The following TBC1D9 variants were observed in gnomAD, a reference collection of about 807,000 sequenced individuals.
TBC1D9 encodes the protein TBC1 domain family member 9A.
A neutral mutation model predicts 132.0 loss-of-function variants in TBC1D9; 63 were observed. The observed-to-expected ratio is 0.48, with a 90% CI of 0.39 to 0.59. The LOEUF is 0.59. Ranked by LOEUF, TBC1D9 falls within the 20% of genes least tolerant of loss-of-function variation. The pLI, the probability that TBC1D9 is intolerant of heterozygous loss-of-function variation, is 0.00. For synonymous variants in TBC1D9, 610 were observed against 609.9 expected (o/e 1.00, Z 0.00); for missense variants, 1,261 against 1,592.7 (o/e 0.79, Z 3.54).
intron 1 of TBC1D9, among the ~76,000 whole-genome samples, chr4:140,745,028 A>G (rs1361379156): frequency 6.6e-6 from 1 of 151,988 alleles, no homozygotes; most frequent in Non-Finnish European, 1.5e-5. Context: ...CTTTAAACCA[A>G]TTGCCCATCA....
At chr4:140,635,269 G>A (rs568025005) in intron 15 of TBC1D9, among the ~76,000 whole-genome samples, 13 of 152,148 alleles carry the variant, frequency 8.5e-5, no homozygotes, top group African/African-American at 3.1e-4. Flanking sequence ...CCTGAGCCCA[G>A]GAATTAGAGA....
At position 140,642,527 on chromosome 4, in the gene TBC1D9, T is replaced by G. The variant is rs74864793; in HGVS notation, c.2338-3099A>C. The G allele has an allele frequency of 5.1e-4, 590 of 1,163,662 alleles. 3 individuals are homozygous for G. In the African/African-American group the frequency reaches 8.3e-3, roughly 16 times the overall value. The allele number at this position is 1,163,662 out of a possible 1,614,324, so 72.1% of individuals were successfully genotyped here. A position where few individuals can be genotyped will look rare whatever the true frequency, so the allele number is the denominator to read the frequency against. ...GAAAACTTGAAGGGTGACTTCAACT[T>G]GTCCTGCTTGGTGAGGGAGAGGGCC... On this transcript the variant is annotated intron_variant, in intron 13 of 20. Transcript: ENST00000442267.
In TBC1D9 at chr4:140,756,288, C is replaced by G. The variant is rs550067614; in HGVS notation, c.-243G>C. On this transcript the variant is annotated 5_prime_UTR_variant, in exon 1 of 21. Transcript: ENST00000442267. The surrounding 1 kb of genome is among the most constrained non-coding windows in gnomAD (Gnocchi z 5.6). ...GCGGCAAGCAGCATCCTCCCCGCGG[C>G]GTCGCCGCCCCGCGAGAGCCCGCGG... Among the ~76,000 whole-genome samples, 11 of 151,946 alleles carry G rather than the reference C, an allele frequency of 7.2e-5. No individual in the cohort carries two copies. In the East Asian group the frequency reaches 1.8e-3, roughly 24 times the overall value.
At chr4:140,746,975 T>A (rs1265527075) in intron 1 of TBC1D9, among the ~76,000 whole-genome samples, 1 of 151,768 alleles carries the variant, frequency 6.6e-6, no homozygotes, top group Non-Finnish European at 1.5e-5. Context: ...GAGACCAGCC[T>A]GGGCAATATA....
Position 140,706,993 on chromosome 4 carries a change from G to T in TBC1D9, c.131-5379C>A, listed in dbSNP as rs936602515. Among the ~76,000 whole-genome samples the T allele has an allele frequency of 6.6e-6, 1 of 152,084 alleles. No individual in the cohort carries two copies. The highest frequency in any genetic ancestry group is 6.5e-5 in the Admixed American group (1 of 15,276). ...TTAAGCACCTAAGCACATTTCTTTA[G>T]AATGGAATTGTCAGGTCCTAGGGTA... is the stretch of plus-strand genomic sequence containing the variant. On this transcript the variant is annotated intron_variant, in intron 1 of 20. Coordinates refer to ENST00000442267, the MANE Select transcript of TBC1D9 (RefSeq NM_015130.3). The surrounding 1 kb of genome is among the most constrained non-coding windows in gnomAD (Gnocchi z 4.0).
Position 140,634,065 on chromosome 4 carries a change from G to A in TBC1D9, c.2629C>T (p.Leu877Phe). The A allele has an allele frequency of 1.2e-6, 2 of 1,614,058 alleles. No homozygotes were observed. The highest frequency in any genetic ancestry group is 1.7e-6 in the Non-Finnish European group (2 of 1,179,906). ...DFEQFKGMFA[L>F]LFPWACGTHS... ...GTTCCACATGCCCAAGGAAAGAGAA[G>A]AGCAAACATTCCCTTGAACTGCTCG... is the stretch of plus-strand genomic sequence containing the variant. Residue 877 changes from leucine (L) to phenylalanine (F), a missense_variant, in exon 16 of 21, where the codon CTT becomes TTT. Transcript: ENST00000442267.
chr4:140,726,718 A>T (rs979336999), intron 1 of TBC1D9, among the ~76,000 whole-genome samples: 1 of 152,374 alleles, frequency 6.6e-6, no homozygotes, highest in East Asian at 1.9e-4. Flanking sequence ...TGTTAAAACT[A>T]AATCACGACT....
intron 1 of TBC1D9, among the ~76,000 whole-genome samples, chr4:140,746,075 G>T (rs942595174): frequency 2.0e-5 from 3 of 152,186 alleles, no homozygotes; most frequent in Non-Finnish European, 4.4e-5. Flanking sequence ...GACTTAATTA[G>T]TCTGCACTCT....
At chr4:140,712,686 G>A (rs1236182669) in intron 1 of TBC1D9, among the ~76,000 whole-genome samples, 3 of 151,404 alleles carry the variant, frequency 2.0e-5, no homozygotes, top group African/African-American at 7.3e-5. Flanking sequence ...AGGTTGCAGT[G>A]AAGCCGAGAT....
At chr4:140,632,883 CTGT>C (rs1736820197) in intron 16 of TBC1D9, among the ~76,000 whole-genome samples, 3 of 152,174 alleles carry the variant, frequency 2.0e-5, no homozygotes, top group Admixed American at 6.5e-5. Flanking sequence ...CACCTAAGAG[CTGT>C]TGTTTAGATT....
chr4:140,707,611 G>A (rs1738168491), intron 1 of TBC1D9, among the ~76,000 whole-genome samples: 1 of 152,138 alleles, frequency 6.6e-6, no homozygotes, highest in African/African-American at 2.4e-5. Flanking sequence ...ACACTTACAT[G>A]ATACTGGTCA....
At position 140,756,075 on chromosome 4, in the gene TBC1D9, T is replaced by C. The variant is rs1381954768; in HGVS notation, c.-30A>G. ...CTGGCTGCCGCGGGCGGGCGCACAATGGGCCCGTGGGTCCAGTCCTGCACC... is the reference window on the plus strand; with the variant it reads ...CTGGCTGCCGCGGGCGGGCGCACAACGGGCCCGTGGGTCCAGTCCTGCACC... On this transcript the variant is annotated 5_prime_UTR_variant, in exon 1 of 21. Transcript: ENST00000442267. The surrounding 1 kb of genome is among the most constrained non-coding windows in gnomAD (Gnocchi z 5.6). 5 of 1,592,200 alleles carry C rather than the reference T, an allele frequency of 3.1e-6. No individual in the cohort carries two copies. In the Admixed American group the frequency reaches 5.1e-5, roughly 16 times the overall value.
At chr4:140,645,449 C>T in intron 13 of TBC1D9, 1 of 420,422 alleles carries the variant, frequency 2.4e-6, no homozygotes, top group South Asian at 1.7e-5. Flanking sequence ...CTGGGTCGCG[C>T]TTCAGCTGCG....
rs554424514 is a variant in TBC1D9, at chr4:140,688,921, G to T, written c.242-2459C>A. Among the ~76,000 whole-genome samples the T allele has an allele frequency of 2.0e-5, 3 of 152,038 alleles. No homozygotes were observed. In the South Asian group the frequency reaches 6.3e-4, roughly 32 times the overall value. ...TTTCAGACATACAGAGCCCTTCCTT[G>T]TCTGTAACCAGGTCACCACCATCAC... is the stretch of plus-strand genomic sequence containing the variant. On this transcript the variant is annotated intron_variant, in intron 2 of 20. Coordinates refer to ENST00000442267, the MANE Select transcript of TBC1D9 (RefSeq NM_015130.3).
At chr4:140,708,430 C>A (rs1738179995) in intron 1 of TBC1D9, among the ~76,000 whole-genome samples, 1 of 152,124 alleles carries the variant, frequency 6.6e-6, no homozygotes, top group Non-Finnish European at 1.5e-5. Context: ...AGATCAAAAG[C>A]AGAAATATTC....
At chr4:140,682,935 G>T (rs1308887191) in intron 3 of TBC1D9, among the ~76,000 whole-genome samples, 1 of 152,146 alleles carries the variant, frequency 6.6e-6, no homozygotes, top group Non-Finnish European at 1.5e-5. Flanking sequence ...TGCCCAGGCT[G>T]GAGTGCAATA....
intron 2 of TBC1D9, among the ~76,000 whole-genome samples, chr4:140,688,499 T>G (rs1406826798): frequency 6.6e-6 from 1 of 152,022 alleles, no homozygotes; most frequent in Non-Finnish European, 1.5e-5. Flanking sequence ...TACCCTCATC[T>G]CTACAAAAAA....
At chr4:140,644,070 C>A (rs1578821321) in intron 13 of TBC1D9, 1 of 424,522 alleles carries the variant, frequency 2.4e-6, no homozygotes, top group African/African-American at 2.0e-5. Context: ...GCGCTTGGTC[C>A]CATCAGCTGG....
chr4:140,622,012 A>T lies in TBC1D9; in HGVS notation c.*183T>A. On this transcript the variant is annotated 3_prime_UTR_variant, in exon 21 of 21. Coordinates refer to ENST00000442267, the MANE Select transcript of TBC1D9 (RefSeq NM_015130.3). Reference sequence around the variant, plus strand: ...CCCGCAACAAGAGTGTAATGTACCTACATTGAGGTGTTTAAATATTTCTCC... The same window carrying T: ...CCCGCAACAAGAGTGTAATGTACCTTCATTGAGGTGTTTAAATATTTCTCC... 1 of 802,492 alleles carries T rather than the reference A, an allele frequency of 1.2e-6. No individual in the cohort carries two copies. The highest frequency in any genetic ancestry group is 1.8e-6 in the Non-Finnish European group (1 of 549,186). The allele number at this position is 802,492 out of a possible 1,614,324, so 49.7% of individuals were successfully genotyped here. A position where few individuals can be genotyped will look rare whatever the true frequency, so the allele number is the denominator to read the frequency against.
Sources: allele counts gnomAD v4.1 joint callset (sites outside exome capture counted in the v4.1 genomes callset), GRCh38; gene constraint gnomAD v4.1.1; non-coding constraint Gnocchi (gnomAD v3.1); transcripts MANE v1.5; gene names NCBI Gene and HGNC (gene_info 2026-07-23, HGNC 2026-07-21).